Variants in VOPP1 observed in about 807,000 individuals in gnomAD.
VOPP1 encodes the protein WW domain binding protein VOPP1.
A neutral mutation model predicts 23.5 loss-of-function variants in VOPP1; 8 were observed. That is an observed-to-expected ratio of 0.34 (90% CI 0.20 to 0.61). The LOEUF (loss-of-function observed/expected upper bound fraction) is 0.61. Ranked by LOEUF, VOPP1 falls within the 20% of genes least tolerant of loss-of-function variation. The pLI, the probability that VOPP1 is intolerant of heterozygous loss-of-function variation, is 0.78. For synonymous variants in VOPP1, 83 were observed against 97.3 expected (o/e 0.85, Z 0.86); for missense variants, 174 against 238.1 (o/e 0.73, Z 1.77).
chr7:55,472,983 C>T lies in VOPP1; in HGVS notation c.391G>A (p.Gly131Arg), dbSNP rs769779958. The T allele has an allele frequency of 5.7e-6, 9 of 1,592,412 alleles. No homozygotes were observed. Among genetic ancestry groups the T allele is most frequent in the African/African-American group, 4.1e-5 (3 of 73,702 alleles). The part of the protein sequence containing the change: ...DPGGPGMNPV[G>R]NSMAMAFQVP... The stretch of plus-strand genomic sequence containing the variant: ...TGGAAAGCCATTGCCATGGAATTCC[C>T]GACAGGGTTCATCCCCGGTCCTCCT... The change falls in exon 5 of 5, where the codon GGG becomes AGG. Residue 131 changes from glycine (G) to arginine (R), a missense_variant. Transcript: ENST00000285279.
Position 55,479,984 on chromosome 7 carries a change from G to A in VOPP1, c.329-6939C>T, listed in dbSNP as rs117629317. Among the ~76,000 whole-genome samples the A allele has an allele frequency of 1.5e-3, 229 of 152,288 alleles. 3 individuals are homozygous for A. The East Asian group carries it at 0.023, about 15-fold the overall frequency. ...ATATAACTTACAATGTTAATTGCGT[G>A]CCTAAAATAAAACGATCTTTTGTTA... On this transcript the variant is annotated intron_variant, in intron 4 of 4. Coordinates refer to ENST00000285279, the MANE Select transcript of VOPP1 (RefSeq NM_030796.5).
At chr7:55,478,112 A>G (rs1391985384) in intron 4 of VOPP1, among the ~76,000 whole-genome samples, 1 of 152,222 alleles carries the variant, frequency 6.6e-6, no homozygotes, top group Non-Finnish European at 1.5e-5. Context: ...AAGAGAAAGC[A>G]AGGACACTTC....
downstream of VOPP1, among the ~76,000 whole-genome samples, chr7:55,466,812 T>C (rs1037862942): frequency 2.0e-5 from 3 of 152,070 alleles, no homozygotes; most frequent in Non-Finnish European, 4.4e-5. Flanking sequence ...ACATTTTAAT[T>C]GATAAATTAG....
chr7:55,493,236 G>C (rs1793706472), intron 3 of VOPP1: 1 of 151,238 alleles, frequency 6.6e-6, no homozygotes, highest in South Asian at 2.1e-4. Context: ...GTCACTTTGA[G>C]AAGAACTAGT....
At chr7:55,561,780 G>T in intron 1 of VOPP1, 1 of 466,638 alleles carries the variant, frequency 2.1e-6, no homozygotes, top group Non-Finnish European at 3.9e-6. Context: ...AGCAATTACA[G>T]TATCTGAGCT....
intron 2 of VOPP1, among the ~76,000 whole-genome samples, chr7:55,505,347 T>C (rs2129030720): frequency 6.6e-6 from 1 of 152,066 alleles, no homozygotes; most frequent in African/African-American, 2.4e-5. Context: ...CTTCCCAAAG[T>C]CCAGCAGTCT....
chr7:55,451,255 A>G (rs542869125), intron 4 of VOPP1, among the ~76,000 whole-genome samples: 7 of 152,214 alleles, frequency 4.6e-5, no homozygotes, highest in Non-Finnish European at 1.0e-4. Flanking sequence ...TGAGACAGGA[A>G]CATTACAATA....
At chr7:55,463,285 A>C (rs1487989892) in intron 4 of VOPP1, among the ~76,000 whole-genome samples, 2 of 152,154 alleles carry the variant, frequency 1.3e-5, no homozygotes, top group Non-Finnish European at 1.5e-5. Flanking sequence ...TTGCTTTTTC[A>C]TTCAAACCTG....
At chr7:55,551,843 C>G (rs1797619435) in intron 1 of VOPP1, among the ~76,000 whole-genome samples, 1 of 151,994 alleles carries the variant, frequency 6.6e-6, no homozygotes, top group African/African-American at 2.4e-5. Context: ...AGTTTGAGAC[C>G]AGCCGGGCCA....
At chr7:55,480,454 T>C (rs1421554640) in intron 4 of VOPP1, among the ~76,000 whole-genome samples, 2 of 152,242 alleles carry the variant, frequency 1.3e-5, no homozygotes, top group African/African-American at 4.8e-5. Context: ...CCTTTATTGA[T>C]TAGATTTATC....
chr7:55,478,763 C>T (rs890600518), intron 4 of VOPP1, among the ~76,000 whole-genome samples: 2 of 152,240 alleles, frequency 1.3e-5, no homozygotes, highest in Non-Finnish European at 2.9e-5. Context: ...ATCTCACATA[C>T]AGCCTGTCAT....
chr7:55,488,981 C>T (rs565341826), intron 4 of VOPP1, among the ~76,000 whole-genome samples: 37 of 152,370 alleles, frequency 2.4e-4, no homozygotes, highest in African/African-American at 8.7e-4. Context: ...AGTCCCCACG[C>T]CCCCAGGGCC....
At chr7:55,522,189 G>A (rs1448549689) in intron 1 of VOPP1, among the ~76,000 whole-genome samples, 3 of 152,180 alleles carry the variant, frequency 2.0e-5, no homozygotes, top group African/African-American at 7.2e-5. Flanking sequence ...CTCCTGCCAC[G>A]ATTGCCCTGC....
chr7:55,452,784 TA>T (rs759613084), intron 4 of VOPP1, among the ~76,000 whole-genome samples: 32 of 152,362 alleles, frequency 2.1e-4, no homozygotes, highest in South Asian at 1.0e-3. Context: ...AACCATGCTG[TA>T]AAAAGATGTG....
rs1307267566 is a variant in VOPP1, at chr7:55,528,577, C to G, written c.55-7447G>C. Among the ~76,000 whole-genome samples, 3 of 151,698 alleles carry G rather than the reference C, an allele frequency of 2.0e-5. No individual in the cohort carries two copies. In the East Asian group the frequency reaches 5.8e-4, roughly 29 times the overall value. ...GCGCATGCCTGTAATCCCAGCTACT[C>G]GGGAGGCTGAGGCAGGAAAAATCAC... On this transcript the variant is annotated intron_variant, in intron 1 of 4. Coordinates refer to ENST00000285279, the MANE Select transcript of VOPP1 (RefSeq NM_030796.5).
At chr7:55,475,524 G>A (rs1000765570) in intron 4 of VOPP1, among the ~76,000 whole-genome samples, 1 of 152,178 alleles carries the variant, frequency 6.6e-6, no homozygotes, top group African/African-American at 2.4e-5. Context: ...TCACAGATGG[G>A]AGCCAAAATA....
intron 4 of VOPP1, among the ~76,000 whole-genome samples, chr7:55,489,900 G>A (rs542759360): frequency 5.9e-5 from 9 of 152,276 alleles, no homozygotes; most frequent in African/African-American, 1.9e-4. Flanking sequence ...GGGAGAAAGT[G>A]GAGATGTGAA....
At chr7:55,563,472 C>G (rs891942385) in intron 1 of VOPP1, among the ~76,000 whole-genome samples, 35 of 152,238 alleles carry the variant, frequency 2.3e-4, no homozygotes, top group Middle Eastern at 3.4e-3. Flanking sequence ...CTATGATAAA[C>G]AAGATCACAC....
chr7:55,477,260 C>T (rs1229196363), intron 4 of VOPP1, among the ~76,000 whole-genome samples: 4 of 152,322 alleles, frequency 2.6e-5, no homozygotes, highest in East Asian at 1.9e-4. Context: ...CTTCTGAACA[C>T]GAGGACAGAG....
Sources: gnomAD v4.1 joint callset for allele counts (sites outside exome capture counted in the v4.1 genomes callset) on GRCh38, gnomAD v4.1.1 for gene constraint, MANE v1.5 for transcripts, NCBI Gene and HGNC (gene_info 2026-07-23, HGNC 2026-07-21) for gene names.